Variants in NPNT observed in about 807,000 individuals in gnomAD.
NPNT encodes the protein nephronectin.
In NPNT, 45 loss-of-function variants were observed where a neutral mutation model predicts 68.6. That is an observed-to-expected ratio of 0.66 (90% CI 0.52 to 0.84). The LOEUF is 0.84. Among genes scored for constraint, NPNT ranks in the 40% least tolerant of loss-of-function variants. NPNT has a pLI of 0.00. For missense variants in NPNT, 672 were observed against 714.8 expected (o/e 0.94, Z 0.68); for synonymous variants, 233 against 253.3 (o/e 0.92, Z 0.76).
intron 2 of NPNT, among the ~76,000 whole-genome samples, chr4:105,924,734 G>A (rs573111611): frequency 5.9e-5 from 9 of 152,298 alleles, no homozygotes; most frequent in Admixed American, 5.9e-4. Flanking sequence ...TCTCAAGCTG[G>A]TCAGGGGGTC....
intron 8 of NPNT, among the ~76,000 whole-genome samples, chr4:105,953,050 C>A (rs1188398773): frequency 6.6e-6 from 1 of 152,064 alleles, no homozygotes; most frequent in African/African-American, 2.4e-5. Context: ...CCTGGAATCC[C>A]AGCTACTCGA....
At chr4:105,959,263 T>G (rs1279544609) in intron 10 of NPNT, 137 bp downstream of exon 10, 50 of 590,268 alleles carry the variant, frequency 8.5e-5, no homozygotes, top group South Asian at 6.6e-4. Flanking sequence ...GGACCATGCC[T>G]AGCATTTATA....
At chr4:105,924,720 T>C (rs894708243) in intron 2 of NPNT, among the ~76,000 whole-genome samples, 4 of 152,198 alleles carry the variant, frequency 2.6e-5, no homozygotes, top group African/African-American at 9.6e-5. Flanking sequence ...TATAAATTGA[T>C]GGTTCTCAAG....
In NPNT at chr4:105,936,871, T is replaced by C; in HGVS notation, c.266-138T>C. On this transcript the variant is annotated intron_variant, in intron 3 of 11. Coordinates refer to ENST00000379987, the MANE Select transcript of NPNT (RefSeq NM_001033047.3). ...AAATTAATATTGCATGAACAGGATC[T>C]ATCTCTTATGTAAATGACAGTTACT... 2 of 813,926 alleles carry C rather than the reference T, an allele frequency of 2.5e-6. 1 individual carries two copies. Among genetic ancestry groups the C allele is most frequent in the East Asian group, 5.7e-5 (2 of 35,238 alleles). 50.4% of individuals were successfully genotyped at this position (813,926 alleles called of 1,614,324 possible).
intron 3 of NPNT, chr4:105,929,543 CT>C (rs1156538587): frequency 6.6e-6 from 1 of 152,170 alleles, no homozygotes; most frequent in African/African-American, 2.4e-5. Context: ...AAAAACTCCA[CT>C]TGATTTTTCT....
chr4:105,915,911 G>A (rs1727779501), intron 2 of NPNT, among the ~76,000 whole-genome samples: 1 of 152,012 alleles, frequency 6.6e-6, no homozygotes. Context: ...CTCCACGGAG[G>A]AACAGCTTTA....
At chr4:105,932,780 G>A (rs915246140) in intron 3 of NPNT, 2 of 1,039,896 alleles carry the variant, frequency 1.9e-6, no homozygotes, top group Admixed American at 2.0e-5. Flanking sequence ...TCTTGCAAAT[G>A]TTCTGAAGAC....
chr4:105,912,253 T>C, intron 2 of NPNT: 1 of 1,518,776 alleles, frequency 6.6e-7, no homozygotes, highest in Non-Finnish European at 8.8e-7. Context: ...GATGAACATA[T>C]TTCTTGAAAT....
intron 3 of NPNT, among the ~76,000 whole-genome samples, chr4:105,933,238 G>A (rs1236386426): frequency 6.6e-6 from 1 of 152,170 alleles, no homozygotes; most frequent in African/African-American, 2.4e-5. Context: ...ATCAGTAACA[G>A]GGAGACAGTA....
At chr4:105,932,615 C>G (rs948086326) in intron 3 of NPNT, 3 of 1,533,330 alleles carry the variant, frequency 2.0e-6, no homozygotes, top group Non-Finnish European at 2.6e-6. Context: ...GGTGTGAAGA[C>G]GAGCACATCC....
At chr4:105,936,457 T>A (rs1729500663) in intron 3 of NPNT, among the ~76,000 whole-genome samples, 1 of 124,102 alleles carries the variant, frequency 8.1e-6, no homozygotes, top group Non-Finnish European at 1.8e-5. Flanking sequence ...TTTGGGAAGG[T>A]CAAAGCAGTC....
intron 2 of NPNT, among the ~76,000 whole-genome samples, chr4:105,918,371 G>T (rs1262918099): frequency 6.6e-6 from 1 of 152,134 alleles, no homozygotes; most frequent in Admixed American, 6.6e-5. Flanking sequence ...CTGGCCTTTT[G>T]TGATGATTCT....
At chr4:105,962,851 A>ATGTG (rs533801417) in intron 10 of NPNT, among the ~76,000 whole-genome samples, 39 of 149,774 alleles carry the variant, frequency 2.6e-4, no homozygotes, top group Middle Eastern at 3.4e-3. Flanking sequence ...GATGGAGTGT[A>ATGTG]TGTGTGTGTG....
chr4:105,942,367 C>T lies in NPNT; in HGVS notation c.824C>T (p.Thr275Ile). 1 of 1,613,310 alleles carries T rather than the reference C, an allele frequency of 6.2e-7. No individual in the cohort carries two copies. The highest frequency in any genetic ancestry group is 8.5e-7 in the Non-Finnish European group (1 of 1,179,552). The change falls in exon 8 of 12, where the codon ACC (threonine) becomes ATC (isoleucine). Residue 275 changes from threonine to isoleucine, a missense_variant. By Grantham distance (89) the Thr-to-Ile change is moderately conservative. Coordinates refer to ENST00000379987, the MANE Select transcript of NPNT (RefSeq NM_001033047.3). Reference protein sequence around the residue: ...GPIHVPKGNGTILKGDTGNNN... With the variant: ...GPIHVPKGNGIILKGDTGNNN... ...ATTCATGTACCAAAGGGAAATGGTACCATTTTAAAGGGTGACACAGGAAAT... is the reference window on the plus strand; with the variant it reads ...ATTCATGTACCAAAGGGAAATGGTATCATTTTAAAGGGTGACACAGGAAAT...
At chr4:105,913,319 A>G (rs994768752) in intron 2 of NPNT, among the ~76,000 whole-genome samples, 23 of 152,236 alleles carry the variant, frequency 1.5e-4, no homozygotes, top group African/African-American at 4.8e-4. Context: ...GACTTAAAGC[A>G]TATGTATTTT....
intron 2 of NPNT, among the ~76,000 whole-genome samples, chr4:105,917,692 C>A (rs1727933017): frequency 6.6e-6 from 1 of 152,090 alleles, no homozygotes; most frequent in Non-Finnish European, 1.5e-5. Context: ...ATATAATGGT[C>A]AAACTGACAG....
Position 105,967,877 on chromosome 4 carries a change from G to A in NPNT, c.1602+433G>A, listed in dbSNP as rs529595840. Among the ~76,000 whole-genome samples, 39 of 151,928 alleles carry A rather than the reference G, an allele frequency of 2.6e-4. No individual in the cohort carries two copies. In the South Asian group the frequency reaches 8.1e-3, roughly 32 times the overall value. ...ATGGTTCTTTTTTCTTTTTTGAAAT[G>A]TTTCTTTCAAGTTCAAATTTTTTTC... On this transcript the variant is annotated intron_variant, in intron 11 of 11. Transcript: ENST00000379987.
At position 105,897,885 on chromosome 4, in the gene NPNT, T is replaced by TC. The variant is rs766093604; in HGVS notation, c.72-15dup. On this transcript the variant is annotated splice_polypyrimidine_tract_variant and intron_variant, in intron 1 of 11. Transcript: ENST00000379987. Reference sequence around the variant, plus strand: ...CAAAAGTGTCCTTATTTATTTTGAATCTTTTTTTTTGGTAGGTGGCCCAGG... The same window carrying TC: ...CAAAAGTGTCCTTATTTATTTTGAATCCTTTTTTTTTGGTAGGTGGCCCAGG... 1.3e-6 allele frequency: 2 copies of TC among 1,581,638 alleles called. No individual in the cohort carries two copies. The highest frequency in any genetic ancestry group is 1.7e-6 in the Non-Finnish European group (2 of 1,150,416).
rs1487194017 is a variant in NPNT at position 105,969,864 on chromosome 4, A to G, written c.*874A>G. 6.5e-6 allele frequency: 1 copy of G among 153,112 alleles called. No homozygotes were observed. Among genetic ancestry groups the G allele is most frequent in the Non-Finnish European group, 1.5e-5 (1 of 68,770 alleles). The allele number at this position is 153,112 out of a possible 1,614,324, so 9.5% of individuals were successfully genotyped here. A position where few individuals can be genotyped will look rare whatever the true frequency, so the allele number is the denominator to read the frequency against. On this transcript the variant is annotated 3_prime_UTR_variant, in exon 12 of 12. Transcript: ENST00000379987. ...CTTGAGTTTGATCTCTGCAAAGGAT[A>G]GGAAACCTTTAGGAAGACAAGAAAC...
Sources: gnomAD v4.1 joint callset for allele counts (sites outside exome capture counted in the v4.1 genomes callset) on GRCh38, gnomAD v4.1.1 for gene constraint, MANE v1.5 for transcripts, NCBI Gene and HGNC (gene_info 2026-07-23, HGNC 2026-07-21) for gene names.